The following LRP2BP variants were observed in gnomAD, a reference collection of about 807,000 sequenced individuals.
LRP2BP encodes LRP2 binding protein, also known as LRP2-binding protein.
A neutral mutation model predicts 45.2 loss-of-function variants in LRP2BP; 38 were observed. That is an observed-to-expected ratio of 0.84 (90% confidence interval 0.65 to 1.10). The LOEUF (loss-of-function observed/expected upper bound fraction) is 1.10, where lower values mean the gene tolerates loss of function less well. Among genes scored for constraint, LRP2BP ranks in the 50% least tolerant of loss-of-function variants. The pLI, the probability that LRP2BP is intolerant of heterozygous loss-of-function variation, is 0.00. For synonymous variants in LRP2BP, 153 were observed against 153.9 expected (o/e 0.99, Z 0.04); for missense variants, 385 against 418.9 (o/e 0.92, Z 0.71).
Position 185,370,814 on chromosome 4 carries a change from C to T in LRP2BP, c.804G>A (p.Arg268=). The change falls in exon 8 of 9, where the codon AGG becomes AGA. Residue 268 remains arginine (R), a splice_region_variant and synonymous_variant. Transcript: ENST00000505916. The stretch of plus-strand genomic sequence containing the variant: ...CGTGAACCTCATCATAGTCAGCGAT[C>T]CTGAGAGGATGTAGAGTTGTGAAAT... ...FFTKCVAFSK[R]IADYDEVHDI... is the part of the protein sequence containing the mutation. The T allele has an allele frequency of 6.2e-7, 1 of 1,613,938 alleles. No individual in the cohort carries two copies. The highest frequency in any genetic ancestry group is 8.5e-7 in the Non-Finnish European group (1 of 1,179,956).
chr4:185,378,816 G>T, intron 1 of LRP2BP: 5 of 985,466 alleles, frequency 5.1e-6, no homozygotes, highest in Non-Finnish European at 6.0e-6. Context: ...TGAGGGTAGT[G>T]AGACAGCAAA....
chr4:185,370,213 C>T (rs1302607439), intron 8 of LRP2BP: 4 of 163,818 alleles, frequency 2.4e-5, no homozygotes, highest in African/African-American at 4.8e-5. Flanking sequence ...CTGATTACCT[C>T]AAACTCAAAA....
intron 8 of LRP2BP, chr4:185,369,691 A>G: frequency 7.3e-6 from 3 of 413,008 alleles, no homozygotes; most frequent in East Asian, 7.4e-5. Flanking sequence ...ATGCTCTGGA[A>G]GTTTTAATTT....
chr4:185,367,651 C>G (rs1267156156), intron 8 of LRP2BP, among the ~76,000 whole-genome samples: 2 of 152,048 alleles, frequency 1.3e-5, no homozygotes, highest in East Asian at 1.9e-4. Flanking sequence ...TTTATTATGT[C>G]TAAATAGTGA....
chr4:185,376,902 AT>A lies in LRP2BP; in HGVS notation c.216+6del, dbSNP rs1417613612. The A allele has an allele frequency of 6.3e-6, 10 of 1,591,438 alleles. No individual in the cohort carries two copies. Among genetic ancestry groups the A allele is most frequent in the Non-Finnish European group, 8.6e-6 (10 of 1,161,042 alleles). On this transcript the variant is annotated splice_donor_region_variant and intron_variant, in intron 3 of 8. Coordinates refer to ENST00000505916, the MANE Select transcript of LRP2BP (RefSeq NM_001377440.1). Reference sequence around the variant, plus strand: ...GGAAATGAAAACGAATAAACAAAAAATGATACCTCTTCAAAATATAGTTGAC... The same window carrying A: ...GGAAATGAAAACGAATAAACAAAAAAGATACCTCTTCAAAATATAGTTGAC...
chr4:185,396,923 A>T (rs1478960895), upstream of LRP2BP: 1 of 1,613,632 alleles, frequency 6.2e-7, no homozygotes, highest in South Asian at 1.1e-5. Flanking sequence ...TTAGGCGGGA[A>T]ATGCTGTTGC....
chr4:185,377,187 G>A (rs533621308), intron 2 of LRP2BP, 169 bp from the exon 3 acceptor site: 17 of 609,678 alleles, frequency 2.8e-5, no homozygotes, highest in East Asian at 2.3e-4. Context: ...CTGAAAAAAC[G>A]TCATGGTCAC....
intron 3 of LRP2BP, among the ~76,000 whole-genome samples, chr4:185,376,443 CTTTTTTTTTTTT>C (rs34024562): frequency 2.8e-5 from 3 of 105,824 alleles, no homozygotes; most frequent in Non-Finnish European, 5.5e-5. Context: ...TGCCCAGCTA[CTTTTTTTTTTTT>C]TTTTTTTTTT....
chr4:185,376,150 C>T (rs2095436671), intron 3 of LRP2BP, among the ~76,000 whole-genome samples: 1 of 152,148 alleles, frequency 6.6e-6, no homozygotes, highest in South Asian at 2.1e-4. Context: ...CTTCCCAGGC[C>T]ACCCCAACAA....
chr4:185,396,831 G>T, upstream of LRP2BP: 5 of 1,382,738 alleles, frequency 3.6e-6, no homozygotes, highest in Non-Finnish European at 5.1e-6. Context: ...TCCCGTGCTA[G>T]GGCCAGCCTG....
Position 185,371,522 on chromosome 4 carries a change from A to T in LRP2BP, c.804-708T>A, listed in dbSNP as rs1226179060. On this transcript the variant is annotated intron_variant, in intron 7 of 8. Coordinates refer to ENST00000505916, the MANE Select transcript of LRP2BP (RefSeq NM_001377440.1). ...GCACCACTGCACTCCAGCCTGGGCA[A>T]CAGAGCGAGACTCCGTCTAAAAAAA... is the stretch of plus-strand genomic sequence containing the variant. Among the ~76,000 whole-genome samples the T allele has an allele frequency of 2.1e-5, 3 of 145,672 alleles. No homozygotes were observed. In the East Asian group the frequency reaches 6.1e-4, roughly 29 times the overall value.
At chr4:185,369,193 C>T (rs1294686286) in intron 8 of LRP2BP, among the ~76,000 whole-genome samples, 4 of 145,972 alleles carry the variant, frequency 2.7e-5, no homozygotes, top group African/African-American at 5.1e-5. Flanking sequence ...AACCTGAAAT[C>T]GGCTTGGTTT....
intron 1 of LRP2BP, among the ~76,000 whole-genome samples, chr4:185,388,430 T>C (rs1033750189): frequency 1.0e-4 from 1 of 9,714 alleles, no homozygotes; most frequent in African/African-American, 2.6e-4. Context: ...TTCCTTTTAC[T>C]ATCTATCTAC....
In LRP2BP at chr4:185,374,262, G is replaced by A. The variant is rs762280951; in HGVS notation, c.474-22C>T. 3.1e-6 allele frequency: 5 copies of A among 1,614,058 alleles called. No homozygotes were observed. In the South Asian group the frequency reaches 3.3e-5, roughly 11 times the overall value. On this transcript the variant is annotated intron_variant, in intron 5 of 8. Transcript: ENST00000505916. ...CAGTCTACAAGAGAAAGTGAGGCAT[G>A]TTATTCTCGGTTTCAGCATTTCCTT...
intron 7 of LRP2BP, among the ~76,000 whole-genome samples, chr4:185,372,512 A>T (rs578045658): frequency 8.5e-5 from 13 of 152,248 alleles, no homozygotes; most frequent in Non-Finnish European, 1.9e-4. Flanking sequence ...AGGCATTCTT[A>T]TCAATACTTT....
chr4:185,378,746 C>G, intron 1 of LRP2BP: 1 of 985,596 alleles, frequency 1.0e-6, no homozygotes, highest in Non-Finnish European at 1.2e-6. Flanking sequence ...AAATCAGTGT[C>G]TTCATATAAA....
intron 1 of LRP2BP, chr4:185,378,723 A>G (rs1264445067): frequency 2.0e-6 from 2 of 985,888 alleles, no homozygotes; most frequent in Non-Finnish European, 2.4e-6. Context: ...AAGATGGATC[A>G]CAGTTGAATG....
At chr4:185,387,598 A>T (rs1408177860) in intron 1 of LRP2BP, among the ~76,000 whole-genome samples, 1 of 152,218 alleles carries the variant, frequency 6.6e-6, no homozygotes, top group African/African-American at 2.4e-5. Context: ...TGCAAGTAAG[A>T]GACTGTGGAC....
At chr4:185,391,032 A>T (rs1270518885) in intron 1 of LRP2BP, 3 of 152,218 alleles carry the variant, frequency 2.0e-5, no homozygotes, top group African/African-American at 7.2e-5. Context: ...AACACACTAG[A>T]GTCAGTCACC....
Sources: allele counts gnomAD v4.1 joint callset (sites outside exome capture counted in the v4.1 genomes callset), GRCh38; gene constraint gnomAD v4.1.1; transcripts MANE v1.5; gene names NCBI Gene and HGNC (gene_info 2026-07-23, HGNC 2026-07-21).